HBS1L: variants seen among roughly 807,000 people sequenced by gnomAD.
HBS1L encodes the protein HBS1-like protein.
Under a neutral mutation model 88.9 loss-of-function variants are expected in HBS1L, and 55 were observed. That is an observed-to-expected ratio of 0.62 (90% confidence interval 0.50 to 0.77). The LOEUF is 0.77. HBS1L is among the 30% of genes least tolerant of loss of function. HBS1L has a pLI of 0.00. For synonymous variants in HBS1L, 267 were observed against 288.5 expected, an observed-to-expected ratio of 0.93 and a Z score of 0.76; for missense variants, 741 against 829.3, an observed-to-expected ratio of 0.89 and a Z score of 1.31.
rs1177600453 is a variant in HBS1L at position 134,969,092 on chromosome 6, T to C, written c.1898+146A>G. 6.5e-6 allele frequency: 4 copies of C among 612,512 alleles called. No homozygotes were observed. In the East Asian group the frequency reaches 1.1e-4, roughly 17 times the overall value. 37.9% of individuals were successfully genotyped at this position (612,512 alleles called of 1,614,324 possible). A position where few individuals can be genotyped will look rare whatever the true frequency, so the allele number is the denominator to read the frequency against. On this transcript the variant is annotated intron_variant, in intron 16 of 17. Coordinates refer to ENST00000367837, the MANE Select transcript of HBS1L (RefSeq NM_006620.4). ...AAATACTTGCTTGTTTTTATGTTTG[T>C]TTTAATCTAGCCCTTGAAAAAATAA...
chr6:134,971,046 G>C (rs1197024389), intron 15 of HBS1L, among the ~76,000 whole-genome samples: 1 of 151,944 alleles, frequency 6.6e-6, no homozygotes, highest in Non-Finnish European at 1.5e-5. Context: ...GAAATGCAAG[G>C]GGGGCTGTAG....
chr6:134,990,435 A>C lies in HBS1L; in HGVS notation c.1084-2644T>G, dbSNP rs138460788. ...GCCTTGTATGCTTCCTTGTGTCCCC[A>C]AAGCCCACTGCAATATTTTGCACAC... On this transcript the variant is annotated intron_variant, in intron 8 of 17. Coordinates refer to ENST00000367837, the MANE Select transcript of HBS1L (RefSeq NM_006620.4). Among the ~76,000 whole-genome samples, 761 of 152,304 alleles carry C rather than the reference A, an allele frequency of 5.0e-3. 4 individuals carry two copies. Among genetic ancestry groups the C allele is most frequent in the African/African-American group, 0.017 (720 of 41,556 alleles).
chr6:135,002,736 A>C lies in HBS1L; in HGVS notation c.537T>G (p.Pro179=). 1 of 1,600,658 alleles carries C rather than the reference A, an allele frequency of 6.2e-7. No individual in the cohort carries two copies. Among genetic ancestry groups the C allele is most frequent in the Non-Finnish European group, 8.6e-7 (1 of 1,168,040 alleles). The part of the protein sequence containing the change: ...GKKQTMGFEV[P]GVSSEENGHS... ...GAGGGAGGTACTCAAAGTCTTACCC[A>C]GGCACTTCAAATCCCATAGTTTGCT... The change falls in exon 5 of 18, where the codon CCT becomes CCG. Residue 179 remains proline, a splice_region_variant and synonymous_variant. Coordinates refer to ENST00000367837, the MANE Select transcript of HBS1L (RefSeq NM_006620.4).
At chr6:135,025,936 G>C (rs950687468) in intron 4 of HBS1L, among the ~76,000 whole-genome samples, 3 of 152,152 alleles carry the variant, frequency 2.0e-5, no homozygotes, top group African/African-American at 7.2e-5. Context: ...GGGAGAGTGG[G>C]AAACTCTGTA....
In HBS1L at chr6:135,009,243, T is replaced by C. The variant is rs546251799; in HGVS notation, c.431-6401A>G. The stretch of plus-strand genomic sequence containing the variant: ...CCTGTGACATAGCTAAATTAAAATA[T>C]ATATATATGAATTACATGGTGCTAT... On this transcript the variant is annotated intron_variant, in intron 4 of 17. Transcript: ENST00000367837. Among the ~76,000 whole-genome samples the C allele has an allele frequency of 7.2e-5, 11 of 152,332 alleles. No individual in the cohort carries two copies. In the South Asian group the frequency reaches 1.9e-3, roughly 26 times the overall value.
At chr6:135,041,036 T>C (rs1776718765) in intron 3 of HBS1L, among the ~76,000 whole-genome samples, 1 of 152,116 alleles carries the variant, frequency 6.6e-6, no homozygotes, top group Non-Finnish European at 1.5e-5. Context: ...CAAAATAGAA[T>C]AGAGGTTTTC....
Position 134,986,714 on chromosome 6 carries a change from A to G in HBS1L, c.1305+22T>C, listed in dbSNP as rs371290457. 46 of 1,418,246 alleles carry G rather than the reference A, an allele frequency of 3.2e-5. No individual in the cohort carries two copies. The African/African-American group carries it at 6.0e-4, about 18-fold the overall frequency. 87.9% of individuals were successfully genotyped at this position (1,418,246 alleles called of 1,614,324 possible). ...AGATGACTTAAGGAAAGTAATAACAAATAAATCTAAAATGATCTTACCTTA... is the reference window on the plus strand; with the variant it reads ...AGATGACTTAAGGAAAGTAATAACAGATAAATCTAAAATGATCTTACCTTA... On this transcript the variant is annotated intron_variant, in intron 10 of 17. Transcript: ENST00000367837.
At chr6:135,011,772 G>A (rs1268399841) in intron 4 of HBS1L, among the ~76,000 whole-genome samples, 3 of 151,940 alleles carry the variant, frequency 2.0e-5, no homozygotes, top group African/African-American at 7.3e-5. Context: ...CAGACGTGGT[G>A]GCACGCACCT....
At chr6:135,025,369 A>G (rs1044948051) in intron 4 of HBS1L, among the ~76,000 whole-genome samples, 4 of 152,356 alleles carry the variant, frequency 2.6e-5, no homozygotes, top group African/African-American at 9.6e-5. Context: ...GGACCCAACA[A>G]AAGAGTCATC....
chr6:135,040,972 CT>C (rs1352265230), intron 3 of HBS1L, among the ~76,000 whole-genome samples: 1 of 152,004 alleles, frequency 6.6e-6, no homozygotes, highest in African/African-American at 2.4e-5. Flanking sequence ...CAAGCAAATT[CT>C]AACTTAATAA....
At chr6:135,036,624 G>A (rs1389706626) in intron 4 of HBS1L, 1 of 1,545,700 alleles carries the variant, frequency 6.5e-7, no homozygotes, top group South Asian at 1.2e-5. Context: ...CTGATTTGAA[G>A]TCAAATGGTG....
rs113745241 is a variant in HBS1L, at chr6:135,039,597, C to T, written c.406G>A (p.Val136Ile). 2.3e-5 allele frequency: 37 copies of T among 1,614,084 alleles called. No individual in the cohort carries two copies. In the African/African-American group the frequency reaches 3.2e-4, roughly 14 times the overall value. Residue 136 changes from valine (V) to isoleucine (I), a missense_variant, in exon 4 of 18, where the codon GTA becomes ATA. By Grantham distance (29) the Val-to-Ile change is conservative. This residue lies in a region of HBS1L where 556 missense variants were observed against 598.4 expected (regional missense o/e 0.93). Transcript: ENST00000367837. ...CCTTTTGCTATCTTTCCTGTAGATA[C>T]TGTTGCCTCATTCTTGTCCTTCAAA... ...QSLKDKNEAT[V>I]STGKIAKGKP...
chr6:135,031,487 C>A (rs997941574), intron 4 of HBS1L, among the ~76,000 whole-genome samples: 18 of 151,950 alleles, frequency 1.2e-4, no homozygotes, highest in African/African-American at 4.1e-4. Flanking sequence ...GAATGGTAAT[C>A]AATTATGAGT....
intron 2 of HBS1L, among the ~76,000 whole-genome samples, chr6:135,042,906 A>G (rs987580871): frequency 6.6e-6 from 1 of 152,142 alleles, no homozygotes; most frequent in African/African-American, 2.4e-5. Context: ...TACAGACTTT[A>G]ATCTTTAAAC....
intron 11 of HBS1L, 114 bp downstream of exon 11, chr6:134,985,952 C>T (rs918283290): frequency 3.1e-5 from 20 of 638,862 alleles, no homozygotes; most frequent in African/African-American, 7.5e-5. Context: ...CTTAGTTCCT[C>T]CGACTACAAA....
chr6:135,051,063 T>G (rs1562321254), intron 1 of HBS1L, among the ~76,000 whole-genome samples: 2 of 151,966 alleles, frequency 1.3e-5, no homozygotes, highest in East Asian at 3.9e-4. Context: ...CCGTCTCTAC[T>G]AAAAATACAA....
intron 4 of HBS1L, among the ~76,000 whole-genome samples, chr6:135,024,762 T>C (rs568766010): frequency 6.6e-6 from 1 of 152,234 alleles, no homozygotes; most frequent in Non-Finnish European, 1.5e-5. Context: ...ATGTTAACAT[T>C]TAGTATATTA....
At chr6:135,046,820 A>T (rs1776926835) in intron 2 of HBS1L, among the ~76,000 whole-genome samples, 1 of 152,246 alleles carries the variant, frequency 6.6e-6, no homozygotes. Flanking sequence ...CTTTTCAATG[A>T]CATTAGCTGC....
chr6:135,015,900 T>TC (rs1480678855), intron 4 of HBS1L, among the ~76,000 whole-genome samples: 3 of 147,110 alleles, frequency 2.0e-5, no homozygotes, highest in African/African-American at 7.6e-5. Flanking sequence ...TTTTTTTTTT[T>TC]TCCAGACGGA....
Sources: gnomAD v4.1 joint callset for allele counts (sites outside exome capture counted in the v4.1 genomes callset) on GRCh38, gnomAD v4.1.1 for gene constraint, gnomAD v4.1.1 regional missense constraint, MANE v1.5 for transcripts, NCBI Gene and HGNC (gene_info 2026-07-23, HGNC 2026-07-21) for gene names.